Variants in SRPX2 observed in about 807,000 individuals in gnomAD.
SRPX2 encodes the protein sushi repeat containing protein X-linked 2, also known as sushi repeat-containing protein SRPX2.
SRPX2 carries 26 observed loss-of-function variants against 45.3 expected under a neutral mutation model. That is an observed-to-expected ratio of 0.57 (90% CI 0.42 to 0.80). The LOEUF (loss-of-function observed/expected upper bound fraction) is 0.80, where lower values mean the gene tolerates loss of function less well. SRPX2 is among the 30% of genes least tolerant of loss of function. The pLI, the probability that SRPX2 is intolerant of heterozygous loss-of-function variation, is 0.00. For missense variants in SRPX2, 355 were observed against 399.8 expected, an observed-to-expected ratio of 0.89 and a Z score of 0.95; for synonymous variants, 125 against 143.7, an observed-to-expected ratio of 0.87 and a Z score of 0.93.
chrX:100,662,163 T>A lies in SRPX2; in HGVS notation c.164-13T>A. On this transcript the variant is annotated splice_polypyrimidine_tract_variant and intron_variant, in intron 3 of 10. Transcript: ENST00000373004. Reference sequence around the variant, plus strand: ...TACTATACTTCTAGCTTGCCTTTCTTCTATTGCTACAGTCCCCCGATGGTG... The same window carrying A: ...TACTATACTTCTAGCTTGCCTTTCTACTATTGCTACAGTCCCCCGATGGTG... 8.3e-7 allele frequency: 1 copy of A among 1,209,997 alleles called. No homozygotes were observed. The highest frequency in any genetic ancestry group is 1.1e-6 in the Non-Finnish European group (1 of 894,110).
chrX:100,644,711 G>C, intron 1 of SRPX2, among the ~76,000 whole-genome samples, 196 bp downstream of exon 1: 1 of 111,235 alleles, frequency 9.0e-6, no homozygotes, highest in Middle Eastern at 4.2e-3. Context: ...CAACTTCTCA[G>C]CCCACAGCAG....
At chrX:100,656,465 T>A (rs2083169673) in intron 3 of SRPX2, among the ~76,000 whole-genome samples, 1 of 111,722 alleles carries the variant, frequency 9.0e-6, no homozygotes, top group Non-Finnish European at 1.9e-5. Context: ...CTTCATCCCC[T>A]CTGCCACCCA....
chrX:100,664,326 AT>A (rs933039681), intron 4 of SRPX2, among the ~76,000 whole-genome samples: 1 of 110,586 alleles, frequency 9.0e-6, no homozygotes, highest in Non-Finnish European at 1.9e-5. Context: ...AAAGATACAG[AT>A]ATTTCCCATT....
At chrX:100,653,218 T>C (rs138529663) in intron 3 of SRPX2, among the ~76,000 whole-genome samples, 5 of 111,403 alleles carry the variant, frequency 4.5e-5, no homozygotes, top group African/African-American at 1.6e-4. Context: ...ACACTTCCAT[T>C]TGGAGATATC....
intron 9 of SRPX2, among the ~76,000 whole-genome samples, chrX:100,667,837 C>A (rs57696173): frequency 8.3e-4 from 93 of 112,127 alleles, no homozygotes; most frequent in African/African-American, 2.9e-3. Context: ...CACAACAACC[C>A]TTTGGAGGTG....
At chrX:100,647,188 C>T (rs918213133) in intron 2 of SRPX2, among the ~76,000 whole-genome samples, 1 of 112,061 alleles carries the variant, frequency 8.9e-6, no homozygotes, top group Non-Finnish European at 1.9e-5. Flanking sequence ...TATTCTGTGG[C>T]CTGCAGTGTC....
chrX:100,662,974 G>A (rs191678147), intron 4 of SRPX2, among the ~76,000 whole-genome samples: 306 of 111,930 alleles, frequency 2.7e-3, no homozygotes, highest in African/African-American at 9.5e-3. Context: ...CCACTTGTAG[G>A]ACACCCATGT....
intron 3 of SRPX2, among the ~76,000 whole-genome samples, chrX:100,655,482 C>A (rs1015223366): frequency 9.0e-6 from 1 of 111,275 alleles, no homozygotes; most frequent in Non-Finnish European, 1.9e-5. Context: ...TTGAGTCATG[C>A]GGATATATTA....
At chrX:100,661,940 T>TG (rs1428897774) in intron 3 of SRPX2, among the ~76,000 whole-genome samples, 2 of 99,185 alleles carry the variant, frequency 2.0e-5, no homozygotes, top group African/African-American at 3.7e-5. Flanking sequence ...GGGGTTTTTT[T>TG]TTTTTTTTTT....
chrX:100,665,407 C>T (rs771990965), intron 6 of SRPX2, 38 bp downstream of exon 6: 9 of 1,204,646 alleles, frequency 7.5e-6, no homozygotes, highest in African/African-American at 5.2e-5. Flanking sequence ...TGCCTTCCCT[C>T]GGCTTCTCTC....
chrX:100,648,642 C>T (rs1216934238), intron 2 of SRPX2, among the ~76,000 whole-genome samples: 1 of 112,446 alleles, frequency 8.9e-6, no homozygotes, highest in Non-Finnish European at 1.9e-5. Flanking sequence ...TTTCTCCACA[C>T]AAAGCATAGT....
At chrX:100,667,205 A>T in intron 8 of SRPX2, 69 bp from the exon 9 acceptor site, 2 of 1,198,914 alleles carry the variant, frequency 1.7e-6, no homozygotes, top group Non-Finnish European at 2.3e-6. Context: ...ACACCTCAAG[A>T]TGTTAGGTTA....
chrX:100,666,362 G>T (rs887941719), intron 7 of SRPX2, among the ~76,000 whole-genome samples: 4 of 111,828 alleles, frequency 3.6e-5, no homozygotes, highest in Non-Finnish European at 7.5e-5. Flanking sequence ...ATCGTAATTT[G>T]CTTAACCCTT....
At chrX:100,666,681 G>A (rs965636630) in intron 7 of SRPX2, 73 bp from the exon 8 acceptor site, 3 of 1,181,224 alleles carry the variant, frequency 2.5e-6, no homozygotes, top group Non-Finnish European at 3.4e-6. Context: ...AGAAAGCCCA[G>A]CATGGGCACC....
In SRPX2 at chrX:100,666,710, T is replaced by C. The variant is rs186124831; in HGVS notation, c.782-44T>C. 237 of 1,208,101 alleles carry C rather than the reference T, an allele frequency of 2.0e-4. 1 individual carries two copies. The African/African-American group carries it at 3.9e-3, about 20-fold the overall frequency. ...GGGCACCCTCTTAGCCTTTCCTTCT[T>C]ATAAGAAACACCATAACTTCTAACT... On this transcript the variant is annotated intron_variant, in intron 7 of 10. Coordinates refer to ENST00000373004, the MANE Select transcript of SRPX2 (RefSeq NM_014467.3).
At chrX:100,668,778 G>A (rs189580818) in intron 9 of SRPX2, among the ~76,000 whole-genome samples, 1 of 112,072 alleles carries the variant, frequency 8.9e-6, no homozygotes, top group East Asian at 2.8e-4. Context: ...CGCTTGGGCA[G>A]GGGGCATCAG....
In SRPX2 at chrX:100,667,320, T is replaced by A; in HGVS notation, c.1008T>A (p.Asp336Glu). 1 of 1,211,474 alleles carries A rather than the reference T, an allele frequency of 8.3e-7. No homozygotes were observed. Among genetic ancestry groups the A allele is most frequent in the South Asian group, 1.8e-5 (1 of 56,983 alleles). ...VNVNSAAGLL[D>E]QFYEKQRLLI... ...TCAACTCAGCTGCTGGTCTCTTGGA[T>A]CAATTCTATGAGAAACAGCGACTCC... Residue 336 changes from aspartate to glutamate, a missense_variant, in exon 9 of 11, where the codon GAT becomes GAA. Physicochemically the swap from Asp to Glu is conservative, Grantham distance 45 (BLOSUM62 2). Coordinates refer to ENST00000373004, the MANE Select transcript of SRPX2 (RefSeq NM_014467.3).
In SRPX2 at chrX:100,657,349, CTTTT is replaced by C. The variant is rs1163232018; in HGVS notation, c.164-4811_164-4808del. ...CCTGGCCGGCATCTGTTATTTATGT[CTTTT>C]TTTTTTTTTTTTTTTGAGACAGAGT... On this transcript the variant is annotated intron_variant, in intron 3 of 10. Coordinates refer to ENST00000373004, the MANE Select transcript of SRPX2 (RefSeq NM_014467.3). Among the ~76,000 whole-genome samples, 4 of 28,413 alleles carry C rather than the reference CTTTT, an allele frequency of 1.4e-4. 2 individuals are homozygous for C. The highest frequency in any genetic ancestry group is 2.6e-4 in the Non-Finnish European group (4 of 15,350). 24.7% of individuals were successfully genotyped at this position (28,413 alleles called of 115,157 possible).
Position 100,654,739 on chromosome X carries a change from A to G in SRPX2, c.163+3874A>G, listed in dbSNP as rs149802637. 4.4e-3 allele frequency among the ~76,000 whole-genome samples: 490 copies of G among 112,051 alleles called. 1 individual carries two copies. The highest frequency in any genetic ancestry group is 7.7e-3 in the Non-Finnish European group (408 of 53,210). ...CTGACTCTAAAGCCATGCTTAATTC[A>G]TCTCTTTCATCAAAAATTAACTCAT... On this transcript the variant is annotated intron_variant, in intron 3 of 10. Coordinates refer to ENST00000373004, the MANE Select transcript of SRPX2 (RefSeq NM_014467.3).
Sources: allele counts gnomAD v4.1 joint callset (sites outside exome capture counted in the v4.1 genomes callset), GRCh38; gene constraint gnomAD v4.1.1; transcripts MANE v1.5; gene names NCBI Gene and HGNC (gene_info 2026-07-23, HGNC 2026-07-21).